Variants in MICU2 observed in about 807,000 individuals in gnomAD.
MICU2 encodes the protein mitochondrial calcium uptake 2, also known as calcium uptake protein 2, mitochondrial.
A neutral mutation model predicts 60.4 loss-of-function variants in MICU2; 64 were observed. That is an observed-to-expected ratio of 1.06 (90% CI 0.87 to 1.31). The LOEUF is 1.31. MICU2 is among the 50% of genes most tolerant of loss of function. MICU2 has a pLI of 0.00. For synonymous variants in MICU2, 201 were observed against 175.0 expected (o/e 1.15, Z -1.17); for missense variants, 569 against 531.0 (o/e 1.07, Z -0.70).
In MICU2 at chr13:21,604,136, C is replaced by T. The variant is rs758497917; in HGVS notation, c.13G>A (p.Ala5Thr). 3 of 1,559,956 alleles carry T rather than the reference C, an allele frequency of 1.9e-6. No homozygotes were observed. Among genetic ancestry groups the T allele is most frequent in the South Asian group, 1.2e-5 (1 of 85,442 alleles). Residue 5 changes from alanine to threonine, a missense_variant, in exon 1 of 12, where the codon GCG (alanine) becomes ACG (threonine). Physicochemically the swap from Ala to Thr is moderately conservative, Grantham distance 58 (BLOSUM62 0). Transcript: ENST00000382374. ...GCCGCCACCCGCGCGCAGCTACCCG[C>T]AGCCGCCGCCATCTTTGCGGAAGCG... MAAA[A>T]GSCARVAAWG...
Position 21,493,257 on chromosome 13 carries a change from G to T in MICU2, c.1297C>A (p.Leu433Ile). 1.3e-6 allele frequency: 2 copies of T among 1,597,590 alleles called. No individual in the cohort carries two copies. The highest frequency in any genetic ancestry group is 8.5e-7 in the Non-Finnish European group (1 of 1,173,352). ...TACTATTATATCTTTTATTAAAAAA[G>T]ACCTTTTCCAGCTTGTTTCCAGACT... is the stretch of plus-strand genomic sequence containing the variant. Reference protein sequence around the residue: ...KEVWKQAGKGLF With the variant: ...KEVWKQAGKGIF Residue 433 changes from leucine (L) to isoleucine (I), a missense_variant, in exon 12 of 12, where the codon CTT (leucine) becomes ATT (isoleucine). Leu to Ile is a conservative substitution (Grantham distance 5, BLOSUM62 2). Coordinates refer to ENST00000382374, the MANE Select transcript of MICU2 (RefSeq NM_152726.3).
At chr13:21,575,465 G>C (rs1045587073) in intron 1 of MICU2, among the ~76,000 whole-genome samples, 4 of 150,980 alleles carry the variant, frequency 2.6e-5, no homozygotes, top group African/African-American at 7.3e-5. Context: ...GCTCATGCCT[G>C]TAATCCCAGC....
At chr13:21,570,856 A>G (rs576570955) in intron 1 of MICU2, among the ~76,000 whole-genome samples, 1 of 152,344 alleles carries the variant, frequency 6.6e-6, no homozygotes, top group African/African-American at 2.4e-5. Context: ...ACAAGTGGCT[A>G]AGGTCCAAAT....
chr13:21,536,736 AT>A (rs1365590846), intron 4 of MICU2, among the ~76,000 whole-genome samples: 1 of 152,244 alleles, frequency 6.6e-6, no homozygotes, highest in Non-Finnish European at 1.5e-5. Context: ...TAGAAATTAC[AT>A]TTGTTTCTTA....
At chr13:21,495,340 A>G in intron 10 of MICU2, 22 bp from the exon 11 acceptor site, 1 of 1,558,004 alleles carries the variant, frequency 6.4e-7, no homozygotes, top group Non-Finnish European at 8.7e-7. Flanking sequence ...ACATAAAACA[A>G]CTTATCAACT....
chr13:21,551,193 T>A, intron 2 of MICU2: 1 of 152,812 alleles, frequency 6.5e-6, no homozygotes, highest in South Asian at 2.1e-4. Flanking sequence ...CAACACTGCC[T>A]AGATCCAACT....
intron 1 of MICU2, among the ~76,000 whole-genome samples, chr13:21,601,198 T>C (rs1888808005): frequency 6.6e-6 from 1 of 152,178 alleles, no homozygotes; most frequent in Non-Finnish European, 1.5e-5. Flanking sequence ...CAATGAAAGA[T>C]TCATCACAAG....
intron 6 of MICU2, among the ~76,000 whole-genome samples, chr13:21,515,223 A>G (rs1346883902): frequency 1.3e-5 from 2 of 151,840 alleles, no homozygotes; most frequent in African/African-American, 4.8e-5. Context: ...CTGGGACTAC[A>G]GGCACCCGCC....
chr13:21,577,176 A>C (rs1888245505), intron 1 of MICU2, among the ~76,000 whole-genome samples: 1 of 152,210 alleles, frequency 6.6e-6, no homozygotes, highest in Admixed American at 6.5e-5. Flanking sequence ...ATTTTCCTAA[A>C]ACAGATTTGA....
At chr13:21,541,423 C>G (rs920246517) in intron 2 of MICU2, among the ~76,000 whole-genome samples, 1 of 152,030 alleles carries the variant, frequency 6.6e-6, no homozygotes, top group Non-Finnish European at 1.5e-5. Flanking sequence ...ACCAGAATTA[C>G]AGGTAAAAAG....
intron 1 of MICU2, among the ~76,000 whole-genome samples, chr13:21,588,063 C>A (rs1211143675): frequency 6.6e-6 from 1 of 152,102 alleles, no homozygotes; most frequent in African/African-American, 2.4e-5. Flanking sequence ...GTCTTGCCCC[C>A]CGATGTAGAG....
chr13:21,514,189 G>A (rs1277081413), intron 7 of MICU2, among the ~76,000 whole-genome samples, 164 bp downstream of exon 7: 5 of 152,126 alleles, frequency 3.3e-5, no homozygotes, highest in East Asian at 3.8e-4. Context: ...AGACCACCAC[G>A]TATATGCAGT....
At chr13:21,531,373 G>T in intron 4 of MICU2, 1 of 1,218,734 alleles carries the variant, frequency 8.2e-7, no homozygotes. Context: ...TTTATTAAGG[G>T]ACCCTGCAGG....
chr13:21,496,590 CTT>C (rs1377720575), intron 9 of MICU2: 4 of 159,376 alleles, frequency 2.5e-5, no homozygotes, highest in Non-Finnish European at 5.5e-5. Context: ...GTTAGATGGA[CTT>C]TTAATGCTGA....
intron 1 of MICU2, among the ~76,000 whole-genome samples, chr13:21,586,321 A>G (rs1331101195): frequency 6.6e-6 from 1 of 152,234 alleles, no homozygotes; most frequent in Non-Finnish European, 1.5e-5. Flanking sequence ...ATCAGCTTCT[A>G]GAATTTACTA....
At chr13:21,603,675 T>C in intron 1 of MICU2, 2 of 535,706 alleles carry the variant, frequency 3.7e-6, no homozygotes, top group South Asian at 2.3e-5. Flanking sequence ...CGGCCAGTTT[T>C]GTGGGCCGTG....
At chr13:21,600,669 C>T (rs1888792931) in intron 1 of MICU2, among the ~76,000 whole-genome samples, 2 of 152,178 alleles carry the variant, frequency 1.3e-5, no homozygotes, top group African/African-American at 4.8e-5. Context: ...CCGACTGACC[C>T]TCACAAATGC....
chr13:21,553,100 T>C (rs1251263507), intron 2 of MICU2, among the ~76,000 whole-genome samples: 1 of 152,224 alleles, frequency 6.6e-6, no homozygotes, highest in Non-Finnish European at 1.5e-5. Context: ...TCCTCTTTTA[T>C]TTCATTGAGC....
intron 2 of MICU2, among the ~76,000 whole-genome samples, chr13:21,558,953 G>A (rs1049045842): frequency 3.9e-5 from 6 of 152,186 alleles, no homozygotes; most frequent in Non-Finnish European, 7.4e-5. Flanking sequence ...AATGGGTACT[G>A]AGGGGAGAGG....
Sources: allele counts gnomAD v4.1 joint callset (sites outside exome capture counted in the v4.1 genomes callset), GRCh38; gene constraint gnomAD v4.1.1; transcripts MANE v1.5; gene names NCBI Gene and HGNC (gene_info 2026-07-23, HGNC 2026-07-21).